ZFAND3: variants seen among roughly 807,000 people sequenced by gnomAD.
ZFAND3 encodes the protein AN1-type zinc finger protein 3.
ZFAND3 carries 10 observed loss-of-function variants against 29.6 expected under a neutral mutation model. The ratio of observed to expected loss-of-function variants is 0.34; its 90% CI spans 0.21 to 0.57. The LOEUF is 0.57. ZFAND3 is among the 20% of genes least tolerant of loss of function. The pLI is 0.86. For synonymous variants in ZFAND3, 128 were observed against 112.6 expected (o/e 1.14, Z -0.87); for missense variants, 230 against 304.5 (o/e 0.76, Z 1.82).
chr6:37,989,358 C>CTT (rs1231496169), intron 2 of ZFAND3, among the ~76,000 whole-genome samples: 1 of 152,204 alleles, frequency 6.6e-6, no homozygotes, highest in African/African-American at 2.4e-5. Flanking sequence ...GCTGGGAAGT[C>CTT]CAAGATTACA....
At chr6:37,960,468 A>G (rs187265424) in intron 2 of ZFAND3, among the ~76,000 whole-genome samples, 121 of 152,292 alleles carry the variant, frequency 7.9e-4, no homozygotes, top group African/African-American at 2.7e-3. Context: ...ACCATCAGTG[A>G]TGTTTGCCTG....
intron 4 of ZFAND3, among the ~76,000 whole-genome samples, chr6:38,085,114 C>A (rs7747130): frequency 0.29 from 43,496 of 152,052 alleles, 7,126 homozygotes; most frequent in Non-Finnish European, 0.38. Flanking sequence ...TTCTGAACCA[C>A]CAATTGTTAT....
chr6:37,883,814 A>G (rs1468908231), intron 1 of ZFAND3, among the ~76,000 whole-genome samples: 1 of 145,684 alleles, frequency 6.9e-6, no homozygotes, highest in Non-Finnish European at 1.5e-5. Context: ...TGCTGGGATT[A>G]CAGGCGTGAG....
intron 1 of ZFAND3, among the ~76,000 whole-genome samples, chr6:37,892,096 A>G (rs1765116017): frequency 6.6e-6 from 1 of 152,226 alleles, no homozygotes; most frequent in South Asian, 2.1e-4. Context: ...AGGCCATAAC[A>G]TAAACCTCAA....
At chr6:38,032,987 T>A (rs1763590470) in intron 2 of ZFAND3, among the ~76,000 whole-genome samples, 1 of 152,182 alleles carries the variant, frequency 6.6e-6, no homozygotes, top group Non-Finnish European at 1.5e-5. Flanking sequence ...CTCCCCGGAA[T>A]GCTAATACAA....
chr6:37,907,931 A>G (rs1476506418), intron 1 of ZFAND3, among the ~76,000 whole-genome samples: 2 of 152,328 alleles, frequency 1.3e-5, no homozygotes, highest in East Asian at 1.9e-4. Flanking sequence ...GAACATTCAC[A>G]TACATAACCA....
At chr6:37,826,248 CT>C (rs5875597) in intron 1 of ZFAND3, among the ~76,000 whole-genome samples, 32,593 of 152,034 alleles carry the variant, frequency 0.21, 4,301 homozygotes, top group African/African-American at 0.36. Flanking sequence ...TTTCGTGGGA[CT>C]TTGTGTCAGA....
intron 3 of ZFAND3, among the ~76,000 whole-genome samples, chr6:38,065,677 G>A (rs1029190824): frequency 1.3e-5 from 2 of 152,170 alleles, no homozygotes; most frequent in Non-Finnish European, 2.9e-5. Context: ...CTATTGCAAG[G>A]CAGTGAAGCC....
At chr6:38,125,712 T>C (rs892919288) in intron 5 of ZFAND3, among the ~76,000 whole-genome samples, 1 of 152,234 alleles carries the variant, frequency 6.6e-6, no homozygotes, top group Non-Finnish European at 1.5e-5. Context: ...AGAATACCTT[T>C]TTTTATGGGG....
chr6:38,061,890 G>A lies in ZFAND3; in HGVS notation c.295+115G>A, dbSNP rs557463454. ...GCACTTCTTTTAATTCAAGATAAGT[G>A]TCCACATACAAGGCCCAAGCTCAGC... is the stretch of plus-strand genomic sequence containing the variant. On this transcript the variant is annotated intron_variant, in intron 3 of 5. Coordinates refer to ENST00000287218, the MANE Select transcript of ZFAND3 (RefSeq NM_021943.3). The A allele has an allele frequency of 2.3e-5, 29 of 1,278,946 alleles. No individual in the cohort carries two copies. In the African/African-American group the frequency reaches 3.9e-4, roughly 17 times the overall value. The allele number at this position is 1,278,946 out of a possible 1,614,324, so 79.2% of individuals were successfully genotyped here. A position where few individuals can be genotyped will look rare whatever the true frequency, so the allele number is the denominator to read the frequency against.
chr6:38,073,966 G>T (rs1482210222), intron 3 of ZFAND3, among the ~76,000 whole-genome samples: 1 of 152,006 alleles, frequency 6.6e-6, no homozygotes, highest in Non-Finnish European at 1.5e-5. Flanking sequence ...GTTGAGACTG[G>T]GAAACCCTTT....
intron 1 of ZFAND3, among the ~76,000 whole-genome samples, chr6:37,868,772 T>G (rs1451931060): frequency 2.6e-5 from 4 of 152,254 alleles, no homozygotes; most frequent in Non-Finnish European, 5.9e-5. Context: ...CATTTGTTAG[T>G]GCAGTATTTT....
intron 1 of ZFAND3, among the ~76,000 whole-genome samples, chr6:37,844,842 G>A (rs1764148226): frequency 2.7e-5 from 4 of 149,736 alleles, no homozygotes; most frequent in Admixed American, 6.7e-5. Flanking sequence ...GTGAAACTCC[G>A]TCTCTACTAA....
intron 2 of ZFAND3, among the ~76,000 whole-genome samples, chr6:38,016,218 C>A (rs980928746): frequency 2.0e-5 from 3 of 152,166 alleles, no homozygotes; most frequent in Non-Finnish European, 4.4e-5. Flanking sequence ...AAGTAACAAT[C>A]AAACTTACCT....
At chr6:38,146,641 CAT>C (rs1208783461) in intron 5 of ZFAND3, among the ~76,000 whole-genome samples, 2 of 152,182 alleles carry the variant, frequency 1.3e-5, no homozygotes, top group East Asian at 3.8e-4. Flanking sequence ...GGTAGCCAGT[CAT>C]GTGACTTGGC....
intron 2 of ZFAND3, among the ~76,000 whole-genome samples, chr6:38,012,128 G>C (rs185322766): frequency 2.2e-4 from 34 of 152,236 alleles, no homozygotes; most frequent in African/African-American, 8.2e-4. Flanking sequence ...AATGTAGAAT[G>C]CTGCTGTATG....
At chr6:37,968,037 A>G (rs1372130595) in intron 2 of ZFAND3, among the ~76,000 whole-genome samples, 1 of 152,200 alleles carries the variant, frequency 6.6e-6, no homozygotes, top group Non-Finnish European at 1.5e-5. Flanking sequence ...CAACTAGAAT[A>G]TCTAAATGGG....
intron 4 of ZFAND3, among the ~76,000 whole-genome samples, chr6:38,108,251 T>G (rs370951549): frequency 8.3e-4 from 127 of 152,248 alleles, no homozygotes; most frequent in African/African-American, 2.9e-3. Flanking sequence ...AGAAAAAAAG[T>G]ATAAATATGG....
Position 37,896,568 on chromosome 6 carries a change from T to TTCTC in ZFAND3, c.72-33387_72-33384dup, listed in dbSNP as rs1168638603. Among the ~76,000 whole-genome samples the TTCTC allele has an allele frequency of 2.0e-3, 286 of 145,734 alleles. 5 individuals carry two copies. In the East Asian group the frequency reaches 0.042, roughly 21 times the overall value. Reference sequence around the variant, plus strand: ...TTTCTTTCTTTCTTTCTTTCTTTCTTTCTCTCTTTCTCTCTCTTTCTCTTT... The same window carrying TTCTC: ...TTTCTTTCTTTCTTTCTTTCTTTCTTTCTCTCTCTCTTTCTCTCTCTTTCTCTTT... On this transcript the variant is annotated intron_variant, in intron 1 of 5. Transcript: ENST00000287218.
Sources: gnomAD v4.1 joint callset for allele counts (sites outside exome capture counted in the v4.1 genomes callset) on GRCh38, gnomAD v4.1.1 for gene constraint, MANE v1.5 for transcripts, NCBI Gene and HGNC (gene_info 2026-07-23, HGNC 2026-07-21) for gene names.